Variants in TINAG observed in about 807,000 individuals in gnomAD.
TINAG encodes tubulointerstitial nephritis antigen.
Under a neutral mutation model 72.7 loss-of-function variants are expected in TINAG, and 83 were observed. The ratio of observed to expected loss-of-function variants is 1.14; its 90% CI spans 0.96 to 1.37. The LOEUF (loss-of-function observed/expected upper bound fraction) is 1.37, where lower values mean the gene tolerates loss of function less well. Ranked by LOEUF, TINAG falls within the 40% of genes most tolerant of loss-of-function variation. The pLI is 0.00. For missense variants in TINAG, 685 were observed against 576.6 expected (o/e 1.19, Z -1.93); for synonymous variants, 234 against 189.9 (o/e 1.23, Z -1.91).
At chr6:54,360,893 AC>A (rs1763215821) in intron 9 of TINAG, among the ~76,000 whole-genome samples, 1 of 83,880 alleles carries the variant, frequency 1.2e-5, no homozygotes, top group Admixed American at 1.4e-4. Context: ...GTTTGTGGCA[AC>A]CCTACATGGA....
At chr6:54,315,683 A>G (rs74780522) in intron 1 of TINAG, among the ~76,000 whole-genome samples, 2,884 of 79,516 alleles carry the variant, frequency 0.036, 206 homozygotes, top group Admixed American at 0.23. Context: ...TCAAAGTAAA[A>G]AAAAAAAAGT....
At chr6:54,313,805 CT>C (rs1240843907) in intron 1 of TINAG, among the ~76,000 whole-genome samples, 4 of 151,838 alleles carry the variant, frequency 2.6e-5, no homozygotes, top group South Asian at 2.1e-4. Flanking sequence ...CATAAGCATA[CT>C]TTTTCATACA....
intron 5 of TINAG, among the ~76,000 whole-genome samples, chr6:54,345,634 C>T (rs9395937): frequency 0.66 from 100,329 of 151,880 alleles, 34,041 homozygotes; most frequent in Non-Finnish European, 0.74. Flanking sequence ...TTCTCCTTTC[C>T]TTGATGAAAT....
chr6:54,328,275 A>C (rs1012370304), intron 4 of TINAG, among the ~76,000 whole-genome samples: 6 of 152,146 alleles, frequency 3.9e-5, no homozygotes, highest in African/African-American at 1.4e-4. Context: ...AGGAAGGAGC[A>C]GGCAGCAATC....
intron 8 of TINAG, among the ~76,000 whole-genome samples, chr6:54,351,741 T>C (rs1445725828): frequency 1.3e-5 from 2 of 151,930 alleles, no homozygotes; most frequent in Admixed American, 1.3e-4. Context: ...GAAGCTTACT[T>C]TATTTATTCA....
chr6:54,372,984 A>G (rs925185006), intron 9 of TINAG, among the ~76,000 whole-genome samples: 3 of 152,082 alleles, frequency 2.0e-5, no homozygotes, highest in African/African-American at 7.2e-5. Context: ...AATTTTGCAC[A>G]TGATTAATGA....
At chr6:54,377,750 C>T (rs1162650649) in intron 9 of TINAG, among the ~76,000 whole-genome samples, 1 of 151,974 alleles carries the variant, frequency 6.6e-6, no homozygotes, top group East Asian at 1.9e-4. Flanking sequence ...AATTTTCAAC[C>T]TGTTGGTATA....
At chr6:54,345,002 C>T (rs1023855983) in intron 5 of TINAG, among the ~76,000 whole-genome samples, 1 of 152,112 alleles carries the variant, frequency 6.6e-6, no homozygotes, top group South Asian at 2.1e-4. Context: ...AAAATATGCA[C>T]ATATATTTTA....
chr6:54,328,462 G>A (rs563352773), intron 4 of TINAG, among the ~76,000 whole-genome samples: 5 of 152,152 alleles, frequency 3.3e-5, no homozygotes, highest in South Asian at 2.1e-4. Flanking sequence ...AACCCCATCC[G>A]AAGGTCACCA....
intron 9 of TINAG, among the ~76,000 whole-genome samples, chr6:54,360,668 T>G (rs1022961837): frequency 6.6e-6 from 1 of 151,460 alleles, no homozygotes; most frequent in African/African-American, 2.4e-5. Flanking sequence ...GTGCAATAAC[T>G]TAAATGAATA....
At chr6:54,366,651 G>T (rs566986785) in intron 9 of TINAG, among the ~76,000 whole-genome samples, 32 of 151,474 alleles carry the variant, frequency 2.1e-4, no homozygotes, top group African/African-American at 7.2e-4. Context: ...AATGTCTTAA[G>T]TGTGTAGATG....
intron 1 of TINAG, among the ~76,000 whole-genome samples, chr6:54,316,197 C>A (rs908894882): frequency 6.6e-6 from 1 of 152,102 alleles, no homozygotes; most frequent in Non-Finnish European, 1.5e-5. Context: ...CTTGGCTGGA[C>A]ACAGTACACA....
intron 9 of TINAG, among the ~76,000 whole-genome samples, chr6:54,376,161 T>A (rs1042911477): frequency 9.2e-5 from 14 of 152,208 alleles, no homozygotes; most frequent in Admixed American, 3.3e-4. Flanking sequence ...TCTTTGCCTT[T>A]GGCGGAGAGT....
At chr6:54,310,873 CT>C (rs146845254) in intron 1 of TINAG, among the ~76,000 whole-genome samples, 1,236 of 122,336 alleles carry the variant, frequency 0.01, 38 homozygotes, top group East Asian at 0.065. Flanking sequence ...CTTTCTCTTT[CT>C]TTTTTTCTCT....
chr6:54,349,882 A>G lies in TINAG; in HGVS notation c.1066A>G (p.Arg356Gly), dbSNP rs1785222580. 3 of 1,576,866 alleles carry G rather than the reference A, an allele frequency of 1.9e-6. No homozygotes were observed. Among genetic ancestry groups the G allele is most frequent in the Non-Finnish European group, 2.6e-6 (3 of 1,157,964 alleles). ...GATCTATCAATGTTCTCCTCCATACAGAGTCTCTTCCAACGTAAGTATAAA... is the reference window on the plus strand; with the variant it reads ...GATCTATCAATGTTCTCCTCCATACGGAGTCTCTTCCAACGTAAGTATAAA... ...NRIYQCSPPY[R>G]VSSNETEIMK... Residue 356 changes from arginine (R) to glycine (G), a missense_variant, in exon 7 of 11, where the codon AGA becomes GGA. Coordinates refer to ENST00000259782, the MANE Select transcript of TINAG (RefSeq NM_014464.4).
chr6:54,326,770 T>G lies in TINAG; in HGVS notation c.510-32T>G. On this transcript the variant is annotated intron_variant, in intron 3 of 10. Coordinates refer to ENST00000259782, the MANE Select transcript of TINAG (RefSeq NM_014464.4). Reference sequence around the variant, plus strand: ...GTGATGTCATATAACCTGTATATATTTTTCTATATTTTTCTCTCATTTGTA... The same window carrying G: ...GTGATGTCATATAACCTGTATATATGTTTCTATATTTTTCTCTCATTTGTA... The G allele has an allele frequency of 2.0e-6, 3 of 1,493,710 alleles. No homozygotes were observed. The South Asian group carries it at 3.7e-5, about 18-fold the overall frequency. The allele number at this position is 1,493,710 out of a possible 1,614,324, so 92.5% of individuals were successfully genotyped here.
At chr6:54,367,637 G>A (rs1763474348) in intron 9 of TINAG, among the ~76,000 whole-genome samples, 2 of 151,738 alleles carry the variant, frequency 1.3e-5, no homozygotes, top group African/African-American at 4.8e-5. Context: ...ATTCATTTGA[G>A]CATCCTCTAC....
chr6:54,380,231 C>A (rs1388756166), intron 9 of TINAG, among the ~76,000 whole-genome samples: 3 of 148,848 alleles, frequency 2.0e-5, no homozygotes, highest in Admixed American at 1.3e-4. Context: ...TTTTTAAGTC[C>A]TTTTAAAAAC....
At chr6:54,357,669 C>T (rs764619984) in intron 9 of TINAG, among the ~76,000 whole-genome samples, 27 of 151,844 alleles carry the variant, frequency 1.8e-4, no homozygotes, top group South Asian at 4.1e-4. Context: ...GCCCTTTCAA[C>T]GTATATCCAG....
Sources: allele counts gnomAD v4.1 joint callset (sites outside exome capture counted in the v4.1 genomes callset), GRCh38; gene constraint gnomAD v4.1.1; transcripts MANE v1.5; gene names NCBI Gene and HGNC (gene_info 2026-07-23, HGNC 2026-07-21).